Variants in RASGRF1 observed in about 807,000 individuals in gnomAD.
The protein encoded by RASGRF1 is ras-specific guanine nucleotide-releasing factor 1.
In RASGRF1, 40 loss-of-function variants were observed where a neutral mutation model predicts 138.7. The observed-to-expected ratio is 0.29, with a 90% CI of 0.22 to 0.38. The LOEUF (loss-of-function observed/expected upper bound fraction) is 0.38. RASGRF1 is among the 10% of genes least tolerant of loss of function. RASGRF1 has a pLI of 1.00. For missense variants in RASGRF1, 1,108 were observed against 1,650.4 expected, an observed-to-expected ratio of 0.67 and a Z score of 5.69; for synonymous variants, 614 against 663.2, an observed-to-expected ratio of 0.93 and a Z score of 1.14.
At chr15:79,069,322 CA>C in intron 1 of RASGRF1, among the ~76,000 whole-genome samples, 1 of 152,210 alleles carries the variant, frequency 6.6e-6, no homozygotes, top group Middle Eastern at 3.2e-3. Flanking sequence ...AATGATTTTG[CA>C]AGCAACCTTT....
At chr15:78,993,046 C>T (rs1244387109) in intron 20 of RASGRF1, among the ~76,000 whole-genome samples, 3 of 136,336 alleles carry the variant, frequency 2.2e-5, no homozygotes, top group Non-Finnish European at 4.8e-5. Context: ...GTGTGTGTGC[C>T]ATGTGGGTGG....
chr15:79,048,918 C>G (rs1280773475), intron 4 of RASGRF1, among the ~76,000 whole-genome samples: 3 of 152,378 alleles, frequency 2.0e-5, no homozygotes, highest in East Asian at 3.9e-4. Context: ...TTCCCTCTGC[C>G]ACACCACCAC....
Position 79,004,099 on chromosome 15 carries a change from T to G in RASGRF1, c.2152A>C (p.Thr718Pro). 1 of 1,613,684 alleles carries G rather than the reference T, an allele frequency of 6.2e-7. No individual in the cohort carries two copies. Among genetic ancestry groups the G allele is most frequent in the Non-Finnish European group, 8.5e-7 (1 of 1,179,930 alleles). Residue 718 changes from threonine to proline, a missense_variant, in exon 15 of 27, where the codon ACC (threonine) becomes CCC (proline). This residue lies in a region of RASGRF1 where 686 missense variants were observed against 976.7 expected (regional missense o/e 0.70). Transcript: ENST00000558480. ...YGEPPKSPRA[T>P]RKFSSPPPLS... ...GGTGGCGGCGAGGAGAACTTGCGGG[T>G]GGCGCGCGGGGACTTGGGGGGTTCA...
At chr15:78,978,298 C>T (rs544851146) in intron 24 of RASGRF1, 23 of 149,424 alleles carry the variant, frequency 1.5e-4, no homozygotes, top group Non-Finnish European at 2.8e-4. Flanking sequence ...GATCTCAGCT[C>T]GCTGCAACTT....
chr15:78,962,348 T>C, intron 26 of RASGRF1, 112 bp from the exon 27 acceptor site: 1 of 776,778 alleles, frequency 1.3e-6, no homozygotes, highest in Non-Finnish European at 2.1e-6. Context: ...GAGAGTCAGG[T>C]GGGCATATGA....
At chr15:79,001,225 C>T (rs2056516234) in intron 16 of RASGRF1, among the ~76,000 whole-genome samples, 1 of 151,732 alleles carries the variant, frequency 6.6e-6, no homozygotes, top group South Asian at 2.1e-4. Context: ...GCCTGGCACT[C>T]AGTTCAGGAA....
chr15:79,014,825 G>C (rs1474545367), intron 13 of RASGRF1, among the ~76,000 whole-genome samples: 1 of 151,882 alleles, frequency 6.6e-6, no homozygotes, highest in Non-Finnish European at 1.5e-5. Flanking sequence ...GCTGAGGCAG[G>C]AGAATTATTT....
Position 79,046,983 on chromosome 15 carries a change from C to T in RASGRF1, c.641G>A (p.Arg214Gln), listed in dbSNP as rs538996118. 1.1e-5 allele frequency: 18 copies of T among 1,612,492 alleles called. No homozygotes were observed. The highest frequency in any genetic ancestry group is 8.9e-5 in the East Asian group (4 of 44,872). The change falls in exon 5 of 27, where the codon CGG becomes CAG. Residue 214 changes from arginine (R) to glutamine (Q), a missense_variant. Coordinates refer to ENST00000558480, the MANE Select transcript of RASGRF1 (RefSeq NM_001145648.3). This position sits in a 1 kb window ranked among gnomAD's most constrained non-coding sequence, Gnocchi z 5.3. ...CCACTTCCGCCGGCACAGCCAGCCC[C>T]GCAGGAAGCTCTGCACCTGAGCAGC... ...KKIKKVQSFL[R>Q]GWLCRRKWKT...
At chr15:79,031,265 G>C (rs1471215400) in intron 8 of RASGRF1, 135 bp downstream of exon 8, 1 of 698,172 alleles carries the variant, frequency 1.4e-6, no homozygotes, top group Admixed American at 2.6e-5. Context: ...GCTTTGAGCT[G>C]TGGCAAGCTG....
chr15:79,048,796 G>T (rs754219398), intron 4 of RASGRF1, among the ~76,000 whole-genome samples: 2 of 152,164 alleles, frequency 1.3e-5, no homozygotes, highest in Non-Finnish European at 2.9e-5. Context: ...ATGGCGTTGG[G>T]GTCCTTTCAT....
chr15:78,998,235 C>T (rs2056438712), intron 18 of RASGRF1, 27 bp from the exon 19 acceptor site: 3 of 1,583,014 alleles, frequency 1.9e-6, no homozygotes, highest in South Asian at 2.2e-5. Flanking sequence ...ATGGGTGGCT[C>T]TGGTTACTGT....
chr15:78,987,283 T>C (rs2056178933), intron 22 of RASGRF1, among the ~76,000 whole-genome samples: 1 of 152,180 alleles, frequency 6.6e-6, no homozygotes, highest in African/African-American at 2.4e-5. Flanking sequence ...GATAAAATTC[T>C]GTATTTATTC....
intron 5 of RASGRF1, among the ~76,000 whole-genome samples, chr15:79,038,593 T>G (rs2057254048): frequency 6.6e-6 from 1 of 152,234 alleles, no homozygotes; most frequent in African/African-American, 2.4e-5. Context: ...CTAGTCATGT[T>G]CATTGCTATT....
intron 4 of RASGRF1, among the ~76,000 whole-genome samples, chr15:79,048,817 A>G (rs563939820): frequency 6.6e-6 from 1 of 152,190 alleles, no homozygotes; most frequent in Non-Finnish European, 1.5e-5. Flanking sequence ...GCACTCAACA[A>G]ATAGGATTCC....
intron 14 of RASGRF1, chr15:79,005,534 A>T: frequency 1.0e-6 from 1 of 985,634 alleles, no homozygotes; most frequent in Non-Finnish European, 1.2e-6. Flanking sequence ...GCCTGAGCCA[A>T]TCCCTGAACT....
chr15:78,997,594 G>GGC (rs1232620521), intron 19 of RASGRF1, among the ~76,000 whole-genome samples: 1 of 151,976 alleles, frequency 6.6e-6, no homozygotes, highest in South Asian at 2.1e-4. Context: ...AAATTAGCTG[G>GGC]GCGTGGTGGC....
At chr15:79,014,171 A>G (rs576724017) in intron 13 of RASGRF1, among the ~76,000 whole-genome samples, 3 of 152,360 alleles carry the variant, frequency 2.0e-5, no homozygotes, top group African/African-American at 4.8e-5. Context: ...CACAACCACT[A>G]TGGAAATCAG....
intron 14 of RASGRF1, 116 bp from the exon 15 acceptor site, chr15:79,004,291 G>A (rs2056621825): frequency 7.5e-7 from 1 of 1,326,130 alleles, no homozygotes; most frequent in Non-Finnish European, 1.0e-6. Flanking sequence ...TCATTCTTAG[G>A]ATCCCTGAAA....
intron 21 of RASGRF1, 41 bp downstream of exon 21, chr15:78,991,650 T>C: frequency 6.6e-7 from 1 of 1,523,056 alleles, no homozygotes; most frequent in Non-Finnish European, 9.1e-7. Flanking sequence ...AGACAGTGCC[T>C]GAGGAAGCGG....
Sources: allele counts gnomAD v4.1 joint callset (sites outside exome capture counted in the v4.1 genomes callset), GRCh38; gene constraint gnomAD v4.1.1; regional missense constraint gnomAD v4.1.1; non-coding constraint Gnocchi (gnomAD v3.1); transcripts MANE v1.5; gene names NCBI Gene and HGNC (gene_info 2026-07-23, HGNC 2026-07-21).